The following LYPLAL1 variants were observed in gnomAD, a reference collection of about 807,000 sequenced individuals.
LYPLAL1 encodes lysophospholipase like 1, also known as lysophospholipase-like protein 1.
In LYPLAL1, 23 loss-of-function variants were observed where a neutral mutation model predicts 19.7. The ratio of observed to expected loss-of-function variants is 1.17; its 90% CI spans 0.84 to 1.65. The LOEUF is 1.65. Among genes scored for constraint, LYPLAL1 ranks in the 40% most tolerant of loss-of-function variants. The probability of loss-of-function intolerance (pLI) is 0.00; values close to 1 mark genes in which losing one functional copy is unlikely to be tolerated. For synonymous variants in LYPLAL1, 119 were observed against 96.3 expected, an observed-to-expected ratio of 1.24 and a Z score of -1.38; for missense variants, 355 against 279.4, an observed-to-expected ratio of 1.27 and a Z score of -1.93.
the LYPLAL1 span, among the ~76,000 whole-genome samples, chr1:219,395,109 T>A: frequency 2.6e-5 from 4 of 152,210 alleles, no homozygotes; most frequent in African/African-American, 9.6e-5. Context: ...CTTTATGAGA[T>A]AGCCACTTAT....
the LYPLAL1 span, among the ~76,000 whole-genome samples, chr1:219,318,782 C>CA: frequency 6.6e-6 from 1 of 152,156 alleles, no homozygotes; most frequent in Non-Finnish European, 1.5e-5. Context: ...ACCGTGTCCT[C>CA]AAACACTCAC....
At chr1:219,384,242 A>G in the LYPLAL1 span, among the ~76,000 whole-genome samples, 1 of 152,208 alleles carries the variant, frequency 6.6e-6, no homozygotes, top group Admixed American at 6.5e-5. Flanking sequence ...TTAGACACCC[A>G]TTATCCTAAT....
chr1:219,413,312 T>A, the LYPLAL1 span, among the ~76,000 whole-genome samples: 4 of 152,248 alleles, frequency 2.6e-5, no homozygotes, highest in Non-Finnish European at 5.9e-5. Flanking sequence ...TAGCCATCTT[T>A]TTGTTTATTT....
At chr1:219,248,543 G>A in the LYPLAL1 span, among the ~76,000 whole-genome samples, 1 of 152,052 alleles carries the variant, frequency 6.6e-6, no homozygotes, top group Non-Finnish European at 1.5e-5. Flanking sequence ...AAGCATGCCA[G>A]GAATTAAAGC....
chr1:219,425,651 A>G, the LYPLAL1 span, among the ~76,000 whole-genome samples: 8 of 152,326 alleles, frequency 5.3e-5, no homozygotes, highest in African/African-American at 1.4e-4. Flanking sequence ...GAGAAATTAC[A>G]TGTAAAGAAT....
intron 2 of LYPLAL1, among the ~76,000 whole-genome samples, chr1:219,183,687 C>T (rs1465195212): frequency 6.6e-6 from 1 of 151,890 alleles, no homozygotes. Flanking sequence ...TAATGAGTGA[C>T]TTAATGGAAT....
chr1:219,316,454 T>C, the LYPLAL1 span, among the ~76,000 whole-genome samples: 9 of 152,284 alleles, frequency 5.9e-5, no homozygotes, highest in South Asian at 1.7e-3. Context: ...GCTGTCTTCA[T>C]AGGATGAGTG....
At chr1:219,266,661 GT>G in the LYPLAL1 span, among the ~76,000 whole-genome samples, 1 of 152,082 alleles carries the variant, frequency 6.6e-6, no homozygotes, top group Non-Finnish European at 1.5e-5. Flanking sequence ...TGGCAGCATA[GT>G]TGGTTTGTTT....
the LYPLAL1 span, among the ~76,000 whole-genome samples, chr1:219,309,533 G>T: frequency 6.6e-6 from 1 of 152,162 alleles, no homozygotes; most frequent in Admixed American, 6.5e-5. Flanking sequence ...CCCATGTGTT[G>T]TGGGAGGAAC....
chr1:219,296,720 A>G, the LYPLAL1 span, among the ~76,000 whole-genome samples: 2 of 152,236 alleles, frequency 1.3e-5, no homozygotes, highest in African/African-American at 4.8e-5. Context: ...AAATCCATGC[A>G]TACTTCCAAC....
the LYPLAL1 span, among the ~76,000 whole-genome samples, chr1:219,308,740 G>A: frequency 6.6e-6 from 1 of 152,224 alleles, no homozygotes; most frequent in Non-Finnish European, 1.5e-5. Flanking sequence ...TTCAGAAGAT[G>A]TATGGAAACA....
chr1:219,327,559 C>CAGATATTTGATCAGCAATTTATTTGA, the LYPLAL1 span, among the ~76,000 whole-genome samples: 227 of 152,264 alleles, frequency 1.5e-3, 2 homozygotes, highest in Non-Finnish European at 2.7e-3. Context: ...TTTTATTTGA[C>CAGATATTTGATCAGCAATTTATTTGA]TTAGTGTGAC....
At chr1:219,183,242 A>T (rs1208671104) in intron 2 of LYPLAL1, among the ~76,000 whole-genome samples, 1 of 152,056 alleles carries the variant, frequency 6.6e-6, no homozygotes, top group Non-Finnish European at 1.5e-5. Flanking sequence ...CTCAAAAGAA[A>T]TGCCCACTCA....
the LYPLAL1 span, among the ~76,000 whole-genome samples, chr1:219,245,275 C>T: frequency 1.3e-5 from 2 of 149,856 alleles, no homozygotes; most frequent in African/African-American, 2.5e-5. Context: ...TTTACCATAT[C>T]ACATTACAGT....
chr1:219,312,379 C>T, the LYPLAL1 span, among the ~76,000 whole-genome samples: 2 of 152,150 alleles, frequency 1.3e-5, no homozygotes, highest in Non-Finnish European at 2.9e-5. Context: ...GCTCTTTGTG[C>T]CTCCTTTCCT....
At chr1:219,315,578 G>C in the LYPLAL1 span, among the ~76,000 whole-genome samples, 1 of 152,034 alleles carries the variant, frequency 6.6e-6, no homozygotes. Context: ...AAAAGTTCTT[G>C]GTAAAATATG....
chr1:219,375,593 C>A, the LYPLAL1 span, among the ~76,000 whole-genome samples: 1 of 150,844 alleles, frequency 6.6e-6, no homozygotes, highest in East Asian at 1.9e-4. Flanking sequence ...TAGCAAATGT[C>A]TCAGAAGAAT....
the LYPLAL1 span, among the ~76,000 whole-genome samples, chr1:219,314,481 G>A: frequency 6.6e-6 from 1 of 151,690 alleles, no homozygotes; most frequent in Non-Finnish European, 1.5e-5. Flanking sequence ...GTTTCGCTCT[G>A]TCGCCCAGGC....
intron 1 of LYPLAL1, among the ~76,000 whole-genome samples, chr1:219,175,508 T>TG (rs1277360420): frequency 1.3e-5 from 2 of 152,224 alleles, no homozygotes; most frequent in African/African-American, 4.8e-5. Flanking sequence ...TTTTTTCCCC[T>TG]GGACCTCTTT....
Sources: allele counts gnomAD v4.1 joint callset (sites outside exome capture counted in the v4.1 genomes callset), GRCh38; gene constraint gnomAD v4.1.1; transcripts MANE v1.5; gene names NCBI Gene and HGNC (gene_info 2026-07-23, HGNC 2026-07-21).